The following CADPS2 variants were observed in gnomAD, a reference collection of about 807,000 sequenced individuals.
CADPS2 encodes calcium-dependent secretion activator 2.
A neutral mutation model predicts 172.5 loss-of-function variants in CADPS2; 93 were observed. The observed-to-expected ratio is 0.54, with a 90% CI of 0.46 to 0.64. The LOEUF is 0.64. Ranked by LOEUF, CADPS2 falls within the 30% of genes least tolerant of loss-of-function variation. CADPS2 has a pLI of 0.00. For synonymous variants in CADPS2, 546 were observed against 555.2 expected, an observed-to-expected ratio of 0.98 and a Z score of 0.23; for missense variants, 1,420 against 1,565.9, an observed-to-expected ratio of 0.91 and a Z score of 1.57.
chr7:122,636,384 G>A (rs2077061906), intron 3 of CADPS2, among the ~76,000 whole-genome samples: 1 of 151,580 alleles, frequency 6.6e-6, no homozygotes, highest in African/African-American at 2.4e-5. Context: ...TGAATTTCAT[G>A]GTTGGAATTT....
intron 14 of CADPS2, among the ~76,000 whole-genome samples, chr7:122,457,063 C>T (rs990268369): frequency 6.6e-6 from 1 of 152,160 alleles, no homozygotes; most frequent in African/African-American, 2.4e-5. Context: ...GAGGAGTAAA[C>T]AGCATTACTC....
At chr7:122,336,560 C>G (rs1178293232) in intron 28 of CADPS2, among the ~76,000 whole-genome samples, 1 of 152,134 alleles carries the variant, frequency 6.6e-6, no homozygotes, top group African/African-American at 2.4e-5. Context: ...TACATGAAAG[C>G]AATGCTAAAT....
At chr7:122,817,514 C>A (rs1387963461) in intron 1 of CADPS2, among the ~76,000 whole-genome samples, 22 of 152,110 alleles carry the variant, frequency 1.4e-4, no homozygotes, top group Non-Finnish European at 3.2e-4. Flanking sequence ...GGGAAGGCAG[C>A]CTTCCCTTGG....
intron 1 of CADPS2, among the ~76,000 whole-genome samples, chr7:122,870,774 C>T (rs569556878): frequency 9.2e-5 from 14 of 151,960 alleles, no homozygotes; most frequent in South Asian, 2.1e-4. Flanking sequence ...AGATTAAAAG[C>T]GCTATCTTGT....
Position 122,732,773 on chromosome 7 carries a change from C to CATTATTATAT in CADPS2, c.453+4181_453+4182insATATAATAAT, listed in dbSNP as rs1443780941. Among the ~76,000 whole-genome samples the CATTATTATAT allele has an allele frequency of 1.4e-4, 20 of 140,634 alleles. No homozygotes were observed. The Admixed American group carries it at 1.5e-3, about 10-fold the overall frequency. 92.3% of individuals were successfully genotyped at this position (140,634 alleles called of 152,430 possible). On this transcript the variant is annotated intron_variant, in intron 2 of 29. Coordinates refer to ENST00000449022, the MANE Select transcript of CADPS2 (RefSeq NM_017954.11). ...TCCTTCAAGCCAATCCTTCAACATA[C>CATTATTATAT]ATTATGTATATAATATATATACATT...
intron 9 of CADPS2, among the ~76,000 whole-genome samples, chr7:122,492,129 G>A (rs939707454): frequency 4.0e-5 from 6 of 151,872 alleles, no homozygotes; most frequent in Non-Finnish European, 5.9e-5. Context: ...ACGAGATCGC[G>A]CCATTGCACC....
chr7:122,738,533 T>C (rs1245018928), intron 1 of CADPS2, among the ~76,000 whole-genome samples: 1 of 152,124 alleles, frequency 6.6e-6, no homozygotes, highest in African/African-American at 2.4e-5. Flanking sequence ...CAGACTTTAT[T>C]AACAAACTCA....
chr7:122,640,641 A>T (rs2077529048), intron 3 of CADPS2, among the ~76,000 whole-genome samples: 1 of 152,068 alleles, frequency 6.6e-6, no homozygotes, highest in Non-Finnish European at 1.5e-5. Flanking sequence ...AATAAAAAAA[A>T]ATATTGTTGG....
intron 27 of CADPS2, 68 bp from the exon 28 acceptor site, chr7:122,345,749 C>T: frequency 3.0e-6 from 3 of 1,004,534 alleles, no homozygotes; most frequent in Non-Finnish European, 4.5e-6. Context: ...ATTATTTAAT[C>T]ATACCCTGAA....
intron 8 of CADPS2, among the ~76,000 whole-genome samples, chr7:122,540,524 T>C (rs1326112777): frequency 6.6e-6 from 1 of 152,116 alleles, no homozygotes. Context: ...CTTACAAATA[T>C]TCAAACTAAT....
At chr7:122,563,557 C>T (rs1242820927) in intron 7 of CADPS2, among the ~76,000 whole-genome samples, 1 of 152,044 alleles carries the variant, frequency 6.6e-6, no homozygotes, top group East Asian at 1.9e-4. Context: ...TATATCGCCC[C>T]CCTCAATTCA....
intron 4 of CADPS2, among the ~76,000 whole-genome samples, chr7:122,625,129 C>G (rs373524375): frequency 1.3e-5 from 2 of 152,140 alleles, no homozygotes; most frequent in East Asian, 3.9e-4. Flanking sequence ...CGGCTCACCA[C>G]AACCTCCGCC....
chr7:122,792,350 GCT>G (rs1181583115), intron 1 of CADPS2, among the ~76,000 whole-genome samples: 2 of 152,142 alleles, frequency 1.3e-5, no homozygotes, highest in Non-Finnish European at 2.9e-5. Flanking sequence ...TATAAAGGAG[GCT>G]CTAGGCCCCA....
At chr7:122,731,359 A>T (rs1346478569) in intron 2 of CADPS2, among the ~76,000 whole-genome samples, 1 of 151,772 alleles carries the variant, frequency 6.6e-6, no homozygotes, top group East Asian at 1.9e-4. Context: ...TTGGAAATCT[A>T]CAAGAGAAAG....
chr7:122,617,708 G>GTTTGCAGA (rs1204685496), intron 5 of CADPS2, among the ~76,000 whole-genome samples: 1 of 152,134 alleles, frequency 6.6e-6, no homozygotes, highest in Non-Finnish European at 1.5e-5. Flanking sequence ...AGAAAGTCAT[G>GTTTGCAGA]GGATCTGCTA....
chr7:122,515,353 G>A (rs558164948), intron 8 of CADPS2, among the ~76,000 whole-genome samples: 2 of 152,124 alleles, frequency 1.3e-5, no homozygotes, highest in East Asian at 3.9e-4. Flanking sequence ...TTTCTTCTCT[G>A]TGGTTCTAGT....
intron 2 of CADPS2, among the ~76,000 whole-genome samples, chr7:122,704,066 C>G (rs2086600920): frequency 6.6e-6 from 1 of 152,038 alleles, no homozygotes; most frequent in African/African-American, 2.4e-5. Flanking sequence ...TCTATGTGCT[C>G]AGCATGCCAC....
chr7:122,710,557 T>C (rs2088533289), intron 2 of CADPS2, among the ~76,000 whole-genome samples: 1 of 152,050 alleles, frequency 6.6e-6, no homozygotes. Context: ...GGATGACATA[T>C]TTCACTTCTG....
intron 1 of CADPS2, among the ~76,000 whole-genome samples, chr7:122,793,171 C>T (rs556117925): frequency 6.6e-6 from 1 of 152,200 alleles, no homozygotes; most frequent in Admixed American, 6.5e-5. Flanking sequence ...TCCCTCCAGC[C>T]CCTATTTTTG....
Sources: gnomAD v4.1 joint callset for allele counts (sites outside exome capture counted in the v4.1 genomes callset) on GRCh38, gnomAD v4.1.1 for gene constraint, MANE v1.5 for transcripts, NCBI Gene and HGNC (gene_info 2026-07-23, HGNC 2026-07-21) for gene names.